The following SYCP1 variants were observed in gnomAD, a reference collection of about 807,000 sequenced individuals.
SYCP1 encodes cancer/testis antigen 8.
Under a neutral mutation model 153.1 loss-of-function variants are expected in SYCP1, and 64 were observed. That is an observed-to-expected ratio of 0.42 (90% CI 0.34 to 0.51). The LOEUF is 0.51. SYCP1 is among the 20% of genes least tolerant of loss of function. SYCP1 has a pLI of 0.06. For missense variants in SYCP1, 997 were observed against 1,049.0 expected (o/e 0.95, Z 0.68); for synonymous variants, 384 against 341.8 (o/e 1.12, Z -1.36).
chr1:114,872,049 C>A (rs1237806760), intron 8 of SYCP1, among the ~76,000 whole-genome samples: 1 of 110,230 alleles, frequency 9.1e-6, no homozygotes, highest in Admixed American at 1.1e-4. Flanking sequence ...GCTATGTTAT[C>A]CAGGCTGGTT....
Position 114,981,445 on chromosome 1 carries a change from T to C in SYCP1, c.2492T>C (p.Ile831Thr), listed in dbSNP as rs1367196929. ...SRNFTSVDHG[I>T]SKDKRDYLWT... ...AATTTCACATCAGTTGATCATGGCA[T>C]ATCCAAAGATAAAAGAGACTATCTG... is the stretch of plus-strand genomic sequence containing the variant. The change falls in exon 29 of 32, where the codon ATA becomes ACA. Residue 831 changes from isoleucine (I) to threonine (T), a missense_variant. Around this residue, in one of 2 missense-constraint regions of SYCP1, gnomAD observed 712 missense variants for 682.9 expected, o/e 1.04. Transcript: ENST00000369522. 6.2e-7 allele frequency: 1 copy of C among 1,610,502 alleles called. No homozygotes were observed. Among genetic ancestry groups the C allele is most frequent in the South Asian group, 1.1e-5 (1 of 90,218 alleles).
At position 114,886,268 on chromosome 1, in the gene SYCP1, T is replaced by C. The variant is rs768312094; in HGVS notation, c.1149T>C (p.Thr383=). 4 of 1,602,516 alleles carry C rather than the reference T, an allele frequency of 2.5e-6. No individual in the cohort carries two copies. Among genetic ancestry groups the C allele is most frequent in the Non-Finnish European group, 3.4e-6 (4 of 1,175,566 alleles). Residue 383 remains threonine, a synonymous_variant, in exon 14 of 32, where the codon ACT becomes ACC. Coordinates refer to ENST00000369522, the MANE Select transcript of SYCP1 (RefSeq NM_003176.4). The part of the protein sequence containing the change: ...HSFVVTEFET[T]VCSLEELLRT... ...TTGTGGTTACTGAATTTGAAACTAC[T>C]GTCTGCAGCTTGGAAGAATTATTGA...
rs61730058 is a variant in SYCP1 at position 114,994,746 on chromosome 1, A to C, written c.2752A>C (p.Asn918His). 60,639 of 1,592,698 alleles carry C rather than the reference A, an allele frequency of 0.038. 1,405 individuals are homozygous for C. The highest frequency in any genetic ancestry group is 0.042 in the Non-Finnish European group (49,326 of 1,173,084). The change falls in exon 31 of 32, where the codon AAT (asparagine) becomes CAT (histidine). Residue 918 changes from asparagine (N) to histidine (H), a missense_variant. By Grantham distance (68) the Asn-to-His change is moderately conservative (BLOSUM62 1). Coordinates refer to ENST00000369522, the MANE Select transcript of SYCP1 (RefSeq NM_003176.4). ...ETLKTLYRNN[N>H]PPASHLCVKT... ...ATTGAAAACACTGTATAGGAACAATAATCCACCAGCTTCTCATCTTTGTGT... is the reference window on the plus strand; with the variant it reads ...ATTGAAAACACTGTATAGGAACAATCATCCACCAGCTTCTCATCTTTGTGT...
chr1:114,913,013 C>CT lies in SYCP1; in HGVS notation c.1530-10dup, dbSNP rs200368852. On this transcript the variant is annotated intron_variant, in intron 18 of 31. Transcript: ENST00000369522. ...TACATTTGTAAATATTTTGGTATGA[C>CT]TTTTTTTTTTAAAAAATAGGCTTAA... 7.0e-3 allele frequency: 9,686 copies of CT among 1,377,430 alleles called. 222 individuals are homozygous for CT. The African/African-American group carries it at 0.09, about 13-fold the overall frequency. The allele number at this position is 1,377,430 out of a possible 1,614,324, so 85.3% of individuals were successfully genotyped here.
chr1:114,971,406 C>T (rs1343421677), intron 27 of SYCP1, among the ~76,000 whole-genome samples: 1 of 152,072 alleles, frequency 6.6e-6, no homozygotes, highest in African/African-American at 2.4e-5. Context: ...CATTGACAGG[C>T]CTCACCCAGC....
intron 3 of SYCP1, among the ~76,000 whole-genome samples, 182 bp downstream of exon 3, chr1:114,856,839 G>T (rs1220747556): frequency 1.3e-5 from 2 of 150,158 alleles, no homozygotes; most frequent in Non-Finnish European, 3.0e-5. Context: ...CCAGCACTGT[G>T]GGAGGGAGGC....
intron 12 of SYCP1, among the ~76,000 whole-genome samples, chr1:114,878,463 T>C (rs1665691074): frequency 6.6e-6 from 1 of 152,270 alleles, no homozygotes; most frequent in South Asian, 2.1e-4. Context: ...GACCTTGTCT[T>C]TTTTGTTCAC....
intron 18 of SYCP1, 119 bp from the exon 19 acceptor site, chr1:114,912,914 G>C: frequency 1.5e-6 from 1 of 648,822 alleles, no homozygotes; most frequent in African/African-American, 1.9e-5. Flanking sequence ...AGTCAATTTT[G>C]TTTCATGTTT....
At chr1:114,966,974 T>C (rs1219726107) in intron 27 of SYCP1, among the ~76,000 whole-genome samples, 3 of 152,032 alleles carry the variant, frequency 2.0e-5, no homozygotes, top group African/African-American at 4.8e-5. Flanking sequence ...CGTGAGCCAC[T>C]GCACTCGGCC....
chr1:114,872,006 C>CTTTTTTT (rs71582510), intron 8 of SYCP1, among the ~76,000 whole-genome samples: 6 of 127,184 alleles, frequency 4.7e-5, no homozygotes, highest in Non-Finnish European at 9.9e-5. Flanking sequence ...CTTTCTTTTT[C>CTTTTTTT]TTTTTTTTTT....
chr1:114,976,568 T>C (rs1672804043), intron 27 of SYCP1, among the ~76,000 whole-genome samples: 1 of 129,068 alleles, frequency 7.7e-6, no homozygotes, highest in Non-Finnish European at 1.9e-5. Flanking sequence ...CCGTCTGTCC[T>C]CTAGAAGCCA....
intron 30 of SYCP1, among the ~76,000 whole-genome samples, chr1:114,993,852 C>A (rs1032820569): frequency 6.6e-5 from 10 of 151,382 alleles, no homozygotes; most frequent in African/African-American, 2.4e-4. Context: ...ACAACTAAAA[C>A]CTTCTACCCA....
At chr1:114,987,074 ATCTT>A in intron 30 of SYCP1, among the ~76,000 whole-genome samples, 1 of 150,324 alleles carries the variant, frequency 6.7e-6, no homozygotes, top group Non-Finnish European at 1.5e-5. Context: ...AAGCACATCT[ATCTT>A]TTTTTTTTTT....
intron 23 of SYCP1, among the ~76,000 whole-genome samples, chr1:114,934,054 CAG>C (rs1669814889): frequency 6.6e-6 from 1 of 152,072 alleles, no homozygotes. Context: ...TCAGGAAATA[CAG>C]AGAACACCAC....
chr1:114,988,731 G>A (rs749241428), intron 30 of SYCP1, among the ~76,000 whole-genome samples: 6 of 151,946 alleles, frequency 3.9e-5, no homozygotes, highest in Non-Finnish European at 5.9e-5. Context: ...TCTGGTAAAC[G>A]TAAATACATG....
intron 27 of SYCP1, among the ~76,000 whole-genome samples, chr1:114,970,523 T>C (rs920476663): frequency 6.6e-6 from 1 of 152,030 alleles, no homozygotes; most frequent in Non-Finnish European, 1.5e-5. Flanking sequence ...TTTTTTTTTT[T>C]CTAGTTTGGA....
At chr1:114,974,903 T>C (rs1276229037) in intron 27 of SYCP1, among the ~76,000 whole-genome samples, 2 of 151,820 alleles carry the variant, frequency 1.3e-5, no homozygotes, top group African/African-American at 4.8e-5. Context: ...TCTGAGAACC[T>C]CTATATTGGC....
chr1:114,967,579 G>T (rs997171628), intron 27 of SYCP1, among the ~76,000 whole-genome samples: 1 of 152,150 alleles, frequency 6.6e-6, no homozygotes, highest in Non-Finnish European at 1.5e-5. Flanking sequence ...GTGTGTCTTT[G>T]CACGTGAGAT....
Position 114,923,555 on chromosome 1 carries a change from G to A in SYCP1, c.1800+25G>A, listed in dbSNP as rs201887259. Reference sequence around the variant, plus strand: ...TGTATGTTATATTTAATAATGGATCGTATCACAAAATTTCAAATTATAAAA... The same window carrying A: ...TGTATGTTATATTTAATAATGGATCATATCACAAAATTTCAAATTATAAAA... On this transcript the variant is annotated intron_variant, in intron 21 of 31. Coordinates refer to ENST00000369522, the MANE Select transcript of SYCP1 (RefSeq NM_003176.4). 5.6e-5 allele frequency: 86 copies of A among 1,534,726 alleles called. No homozygotes were observed. In the African/African-American group the frequency reaches 5.7e-4, roughly 10 times the overall value.
Sources: gnomAD v4.1 joint callset for allele counts (sites outside exome capture counted in the v4.1 genomes callset) on GRCh38, gnomAD v4.1.1 for gene constraint, gnomAD v4.1.1 regional missense constraint, MANE v1.5 for transcripts, NCBI Gene and HGNC (gene_info 2026-07-23, HGNC 2026-07-21) for gene names.